The following COL12A1 variants were observed in gnomAD, a reference collection of about 807,000 sequenced individuals.
COL12A1 encodes the protein collagen type XII alpha 1 chain, also known as collagen alpha-1(XII) chain.
A neutral mutation model predicts 349.7 loss-of-function variants in COL12A1; 114 were observed. The observed-to-expected ratio is 0.33, with a 90% CI of 0.28 to 0.38. The LOEUF is 0.38. Ranked by LOEUF, COL12A1 falls within the 10% of genes least tolerant of loss-of-function variation. The pLI is 1.00. For missense variants in COL12A1, 3,284 were observed against 3,756.9 expected (o/e 0.87, Z 3.29); for synonymous variants, 1,369 against 1,329.0 (o/e 1.03, Z -0.66).
At chr6:75,177,244 C>G (rs142799945) in intron 12 of COL12A1, among the ~76,000 whole-genome samples, 38 of 152,202 alleles carry the variant, frequency 2.5e-4, no homozygotes, top group African/African-American at 8.7e-4. Context: ...TCAGACCAGC[C>G]TGGCCAACAT....
In COL12A1 at chr6:75,180,961, A is replaced by G; in HGVS notation, c.2142T>C (p.Ala714=). The G allele has an allele frequency of 1.9e-6, 3 of 1,613,602 alleles. No homozygotes were observed. Among genetic ancestry groups the G allele is most frequent in the Non-Finnish European group, 2.5e-6 (3 of 1,179,608 alleles). ...EYEDGFSIPL[A]GEETTEEVKG... is the part of the protein sequence containing the mutation. Reference sequence around the variant, plus strand: ...CACCTTCTTCGGTGGTCTCCTCTCCAGCTAAGGGAATGCTGAAGCCATCCT... The same window carrying G: ...CACCTTCTTCGGTGGTCTCCTCTCCGGCTAAGGGAATGCTGAAGCCATCCT... Residue 714 remains alanine, a synonymous_variant, in exon 11 of 66, where the codon GCT becomes GCC. Coordinates refer to ENST00000322507, the MANE Select transcript of COL12A1 (RefSeq NM_004370.6).
chr6:75,149,342 G>C (rs1767361008), intron 21 of COL12A1, among the ~76,000 whole-genome samples: 1 of 151,540 alleles, frequency 6.6e-6, no homozygotes. Flanking sequence ...CTTAACTAAA[G>C]GTTATGCTCT....
intron 43 of COL12A1, 95 bp downstream of exon 43, chr6:75,123,235 G>A (rs991553353): frequency 1.9e-6 from 2 of 1,064,992 alleles, no homozygotes; most frequent in Non-Finnish European, 2.8e-6. Flanking sequence ...GATCAGAAAT[G>A]TTCTATATTA....
Position 75,142,059 on chromosome 6 carries a change from G to C in COL12A1, c.4930C>G (p.Pro1644Ala). Residue 1644 changes from proline to alanine, a missense_variant, in exon 27 of 66, where the codon CCT becomes GCT. Coordinates refer to ENST00000322507, the MANE Select transcript of COL12A1 (RefSeq NM_004370.6). The part of the protein sequence containing the change: ...VSAVHDEGES[P>A]PVTAQETTRP... ...GTAGTTTCTTGAGCAGTCACTGGAG[G>C]AGACTCCCCCTCGTCATGTACTGCA... 1 of 1,614,114 alleles carries C rather than the reference G, an allele frequency of 6.2e-7. No homozygotes were observed. The highest frequency in any genetic ancestry group is 8.5e-7 in the Non-Finnish European group (1 of 1,179,988).
intron 58 of COL12A1, among the ~76,000 whole-genome samples, chr6:75,099,224 A>C (rs899140055): frequency 2.0e-5 from 3 of 152,224 alleles, no homozygotes; most frequent in Non-Finnish European, 4.4e-5. Context: ...CCCAAAAAAA[A>C]ACTTTTTCCA....
At chr6:75,118,060 CAAAT>C (rs1769173117) in intron 46 of COL12A1, among the ~76,000 whole-genome samples, 2 of 151,864 alleles carry the variant, frequency 1.3e-5, no homozygotes, top group African/African-American at 4.8e-5. Flanking sequence ...TAGGCTATGA[CAAAT>C]AAGCACATTT....
chr6:75,133,995 G>A lies in COL12A1; in HGVS notation c.5527C>T (p.Pro1843Ser), dbSNP rs754570828. 2 of 1,612,636 alleles carry A rather than the reference G, an allele frequency of 1.2e-6. No homozygotes were observed. Among genetic ancestry groups the A allele is most frequent in the Non-Finnish European group, 1.7e-6 (2 of 1,179,308 alleles). The change falls in exon 33 of 66, where the codon CCT (proline) becomes TCT (serine). Residue 1843 changes from proline to serine, a missense_variant and splice_region_variant. Transcript: ENST00000322507. The part of the protein sequence containing the change: ...GRMTGRGKTK[P>S]LNTVRNLRVY... ...CTCAGGTTCCTTACAGTGTTTAGAG[G>A]TTCTGAAATGCACAGAAATCCCATC...
At chr6:75,134,377 C>T (rs1224865293) in intron 32 of COL12A1, among the ~76,000 whole-genome samples, 2 of 152,014 alleles carry the variant, frequency 1.3e-5, no homozygotes, top group African/African-American at 2.4e-5. Flanking sequence ...CAAGACCAGC[C>T]TGGCCAACAT....
At chr6:75,163,432 T>G (rs192508731) in intron 14 of COL12A1, among the ~76,000 whole-genome samples, 25 of 152,244 alleles carry the variant, frequency 1.6e-4, no homozygotes, top group Admixed American at 7.8e-4. Flanking sequence ...AAACACCATA[T>G]GTTCTCACTC....
At chr6:75,149,818 C>T (rs778868003) in intron 21 of COL12A1, among the ~76,000 whole-genome samples, 1 of 152,168 alleles carries the variant, frequency 6.6e-6, no homozygotes, top group East Asian at 1.9e-4. Context: ...ATGAATGCAA[C>T]TATTACATAG....
Position 75,090,215 on chromosome 6 carries a change from G to A in COL12A1, c.8836C>T (p.Pro2946Ser). The change falls in exon 63 of 66, where the codon CCA becomes TCA. Residue 2946 changes from proline to serine, a missense_variant. By Grantham distance (74) the Pro-to-Ser change is moderately conservative. Coordinates refer to ENST00000322507, the MANE Select transcript of COL12A1 (RefSeq NM_004370.6). The surrounding 1 kb of genome is among the most constrained non-coding windows in gnomAD (Gnocchi z 4.1). ...SSRNQPGPPG[P>S]PGPPGSAGAR... ...CCTGCGCTACCAGGAGGTCCCGGTG[G>A]ACCCGGCGGGCCTGGCTGGTTGCGA... 6.2e-7 allele frequency: 1 copy of A among 1,614,072 alleles called. No individual in the cohort carries two copies. Among genetic ancestry groups the A allele is most frequent in the Non-Finnish European group, 8.5e-7 (1 of 1,179,990 alleles).
At chr6:75,155,121 A>G (rs1767687063) in intron 16 of COL12A1, among the ~76,000 whole-genome samples, 1 of 152,142 alleles carries the variant, frequency 6.6e-6, no homozygotes, top group African/African-American at 2.4e-5. Flanking sequence ...GTGCTGTTCA[A>G]ACTGAAACTT....
rs757870884 is a variant in COL12A1, at chr6:75,142,033, G to C, written c.4956C>G (p.Thr1652=). 8.1e-6 allele frequency: 13 copies of C among 1,613,868 alleles called. No individual in the cohort carries two copies. The highest frequency in any genetic ancestry group is 2.7e-5 in the African/African-American group (2 of 74,904). The change falls in exon 27 of 66, where the codon ACC becomes ACG. Residue 1652 remains threonine, a splice_region_variant and synonymous_variant. Transcript: ENST00000322507. ...ESPPVTAQET[T]RPVPAPTNLK... is the part of the protein sequence containing the mutation. ...CAGTGGAGCAGGAGCACAACTCACG[G>C]GTAGTTTCTTGAGCAGTCACTGGAG... is the stretch of plus-strand genomic sequence containing the variant.
At chr6:75,113,150 A>C (rs1357721573) in intron 51 of COL12A1, 54 bp downstream of exon 51, 1 of 876,158 alleles carries the variant, frequency 1.1e-6, no homozygotes, top group Non-Finnish European at 1.7e-6. Context: ...TAAATAATAA[A>C]TTTGTTTTAT....
At chr6:75,101,278 T>C (rs1427092956) in intron 58 of COL12A1, among the ~76,000 whole-genome samples, 1 of 152,246 alleles carries the variant, frequency 6.6e-6, no homozygotes, top group Non-Finnish European at 1.5e-5. Flanking sequence ...TTTTAAGATT[T>C]AAAACAATTT....
rs1236354908 is a variant in COL12A1, at chr6:75,154,557, A to G, written c.3444-20T>C. ...CCAGCCCTAAAATGTTAAAGTATAT[A>G]TATAGCCTGTGAGAACCATAGGCTC... is the stretch of plus-strand genomic sequence containing the variant. On this transcript the variant is annotated intron_variant, in intron 16 of 65. Transcript: ENST00000322507. 4 of 1,585,256 alleles carry G rather than the reference A, an allele frequency of 2.5e-6. No homozygotes were observed. The South Asian group carries it at 4.7e-5, about 19-fold the overall frequency.
At chr6:75,086,620 A>C (rs1767501406) in intron 65 of COL12A1, 63 bp from the exon 66 acceptor site, 1 of 1,272,108 alleles carries the variant, frequency 7.9e-7, no homozygotes, top group East Asian at 2.6e-5. Flanking sequence ...ATATAAATAC[A>C]CATCCATCTA....
intron 24 of COL12A1, among the ~76,000 whole-genome samples, chr6:75,145,702 A>G (rs184809373): frequency 3.2e-4 from 47 of 148,644 alleles, no homozygotes; most frequent in Non-Finnish European, 5.8e-4. Context: ...CTCAATCTCA[A>G]CTCACCGCAA....
rs368715192 is a variant in COL12A1 at position 75,189,613 on chromosome 6, T to C, written c.597A>G (p.Gln199=). The C allele has an allele frequency of 6.9e-5, 111 of 1,613,364 alleles. No individual in the cohort carries two copies. In the African/African-American group the frequency reaches 1.3e-3, roughly 19 times the overall value. ...TTATTGCAGCAAGAAGTTCATCCCT[T>C]TGGTAGTACTGATTTAAGTTAAATT... The part of the protein sequence containing the change: ...RTEFNLNQYY[Q]RDELLAAIKK... Residue 199 remains glutamine (Q), a synonymous_variant, in exon 6 of 66, where the codon CAA becomes CAG. Transcript: ENST00000322507.
Sources: allele counts gnomAD v4.1 joint callset (sites outside exome capture counted in the v4.1 genomes callset), GRCh38; gene constraint gnomAD v4.1.1; non-coding constraint Gnocchi (gnomAD v3.1); transcripts MANE v1.5; gene names NCBI Gene and HGNC (gene_info 2026-07-23, HGNC 2026-07-21).